Variants in CDH12 observed in about 807,000 individuals in gnomAD.
CDH12 encodes the protein cadherin-12.
In CDH12, 41 loss-of-function variants were observed where a neutral mutation model predicts 74.1. The observed-to-expected ratio is 0.55, with a 90% CI of 0.43 to 0.72. CDH12 has a LOEUF of 0.72. Ranked by LOEUF, CDH12 falls within the 30% of genes least tolerant of loss-of-function variation. The pLI is 0.00. For missense variants in CDH12, 945 were observed against 977.2 expected, an observed-to-expected ratio of 0.97 and a Z score of 0.44; for synonymous variants, 399 against 355.0, an observed-to-expected ratio of 1.12 and a Z score of -1.39.
intron 12 of CDH12, among the ~76,000 whole-genome samples, chr5:21,763,304 G>A (rs1744830004): frequency 6.6e-6 from 1 of 152,110 alleles, no homozygotes; most frequent in Admixed American, 6.5e-5. Flanking sequence ...TTGAGCACTT[G>A]AAATGTGATT....
intron 1 of CDH12, among the ~76,000 whole-genome samples, chr5:22,806,848 G>C (rs1051753516): frequency 6.6e-6 from 1 of 152,046 alleles, no homozygotes; most frequent in African/African-American, 2.4e-5. Flanking sequence ...ATTTGTTTAA[G>C]TTATTTGTAG....
At chr5:21,905,777 TC>T (rs1227501404) in intron 6 of CDH12, among the ~76,000 whole-genome samples, 3 of 152,190 alleles carry the variant, frequency 2.0e-5, no homozygotes, top group Admixed American at 2.0e-4. Flanking sequence ...TTGCTCTTTT[TC>T]CCTCTCCCCT....
chr5:21,852,220 T>C (rs1320006091), intron 7 of CDH12, among the ~76,000 whole-genome samples: 1 of 151,422 alleles, frequency 6.6e-6, no homozygotes, highest in Admixed American at 6.6e-5. Context: ...TCCACTCTTT[T>C]CCTGCCTAGT....
At chr5:21,836,462 A>AAC (rs60658949) in intron 8 of CDH12, among the ~76,000 whole-genome samples, 12,373 of 143,412 alleles carry the variant, frequency 0.086, 689 homozygotes, top group African/African-American at 0.16. Context: ...TAGAAAGGAA[A>AAC]ACACACACAC....
intron 4 of CDH12, among the ~76,000 whole-genome samples, chr5:22,170,279 T>C (rs1269426157): frequency 6.6e-6 from 1 of 151,892 alleles, no homozygotes; most frequent in Non-Finnish European, 1.5e-5. Context: ...CTTTAAGTTG[T>C]TCTGATTTTC....
intron 1 of CDH12, among the ~76,000 whole-genome samples, chr5:22,569,972 C>A (rs1181362256): frequency 6.6e-6 from 1 of 152,152 alleles, no homozygotes; most frequent in African/African-American, 2.4e-5. Context: ...AATTACTATG[C>A]TGAGATCCAT....
intron 4 of CDH12, among the ~76,000 whole-genome samples, chr5:22,183,007 G>C (rs1370665100): frequency 1.3e-5 from 2 of 151,076 alleles, no homozygotes; most frequent in Admixed American, 6.6e-5. Flanking sequence ...TGCTCAAAGA[G>C]AGAAGTGGAC....
chr5:22,770,767 GGTGA>G (rs1446768513), intron 1 of CDH12, among the ~76,000 whole-genome samples: 1 of 151,854 alleles, frequency 6.6e-6, no homozygotes, highest in African/African-American at 2.4e-5. Flanking sequence ...TTAGATAATT[GGTGA>G]GTAATATTTG....
Position 22,314,941 on chromosome 5 carries a change from C to CTTTTTTTTTTTTTT in CDH12, c.-333+90302_-333+90315dup, listed in dbSNP as rs759734847. 1.2e-4 allele frequency among the ~76,000 whole-genome samples: 8 copies of CTTTTTTTTTTTTTT among 67,766 alleles called. 2 individuals carry two copies. Among genetic ancestry groups the CTTTTTTTTTTTTTT allele is most frequent in the East Asian group, 9.0e-4 (2 of 2,226 alleles). 44.5% of individuals were successfully genotyped at this position (67,766 alleles called of 152,430 possible). A position where few individuals can be genotyped will look rare whatever the true frequency, so the allele number is the denominator to read the frequency against. ...GAAAAGCAGAGGTCCCTGGGTTGGT[C>CTTTTTTTTTTTTTT]TTTTTTTTTTTTTTTTTTTTTTTTT... On this transcript the variant is annotated intron_variant, in intron 3 of 14. Transcript: ENST00000382254.
rs1202375253 is a variant in CDH12, at chr5:21,833,268, ATATAT to A, written c.814+8888_814+8892del. 7.6e-5 allele frequency among the ~76,000 whole-genome samples: 4 copies of A among 52,720 alleles called. 1 individual carries two copies. Among genetic ancestry groups the A allele is most frequent in the Non-Finnish European group, 1.1e-4 (4 of 36,906 alleles). The allele number at this position is 52,720 out of a possible 152,430, so 34.6% of individuals were successfully genotyped here. ...TATTATATATTATATAACATATAATATATATTATATGTTATATAACATATAATATA... is the reference window on the plus strand; with the variant it reads ...TATTATATATTATATAACATATAATATATATGTTATATAACATATAATATA... On this transcript the variant is annotated intron_variant, in intron 8 of 14. Transcript: ENST00000382254.
chr5:22,321,154 C>T (rs994812671), intron 3 of CDH12, among the ~76,000 whole-genome samples: 21 of 151,982 alleles, frequency 1.4e-4, no homozygotes, highest in Non-Finnish European at 2.4e-4. Flanking sequence ...AAATTTAATA[C>T]CAAAGGCTAT....
chr5:22,717,610 G>T (rs540942370), intron 1 of CDH12, among the ~76,000 whole-genome samples: 1 of 152,270 alleles, frequency 6.6e-6, no homozygotes, highest in African/African-American at 2.4e-5. Context: ...GAAGTGGTGG[G>T]TCGATATCCA....
intron 1 of CDH12, among the ~76,000 whole-genome samples, chr5:22,642,713 C>T (rs907114821): frequency 6.6e-6 from 1 of 152,046 alleles, no homozygotes; most frequent in African/African-American, 2.4e-5. Flanking sequence ...CTAAGATTTA[C>T]ATAATCAGAG....
At chr5:22,428,287 T>C (rs1744028024) in intron 2 of CDH12, among the ~76,000 whole-genome samples, 2 of 152,120 alleles carry the variant, frequency 1.3e-5, no homozygotes. Context: ...ATATCCATTT[T>C]TATCTATAGC....
At position 21,798,543 on chromosome 5, in the gene CDH12, C is replaced by T. The variant is rs572482682; in HGVS notation, c.1256+3624G>A. The stretch of plus-strand genomic sequence containing the variant: ...TTATGGACTGGATGTTTATGTTTCC[C>T]CAAAATTCATATGTTGAAATCCTAA... On this transcript the variant is annotated intron_variant, in intron 10 of 14. Transcript: ENST00000382254. Among the ~76,000 whole-genome samples the T allele has an allele frequency of 4.6e-5, 7 of 151,952 alleles. No individual in the cohort carries two copies. The South Asian group carries it at 1.2e-3, about 27-fold the overall frequency.
chr5:21,940,052 C>T (rs1228176229), intron 6 of CDH12, among the ~76,000 whole-genome samples: 2 of 151,884 alleles, frequency 1.3e-5, no homozygotes, highest in Non-Finnish European at 2.9e-5. Flanking sequence ...GAAACTCCAT[C>T]TCTACTTAAA....
At position 22,755,600 on chromosome 5, in the gene CDH12, A is replaced by G. The variant is rs144543851; in HGVS notation, c.-523+97458T>C. 4.3e-3 allele frequency among the ~76,000 whole-genome samples: 657 copies of G among 152,286 alleles called. 5 individuals are homozygous for G. Among genetic ancestry groups the G allele is most frequent in the Non-Finnish European group, 6.8e-3 (463 of 67,976 alleles). On this transcript the variant is annotated intron_variant, in intron 1 of 14. Transcript: ENST00000382254. Reference sequence around the variant, plus strand: ...AAGCCAATATGTAAGAATTCATACAACACAATTGCTTTTGTTAGAAAAAAA... The same window carrying G: ...AAGCCAATATGTAAGAATTCATACAGCACAATTGCTTTTGTTAGAAAAAAA...
At chr5:22,785,593 C>T (rs1747583848) in intron 1 of CDH12, among the ~76,000 whole-genome samples, 1 of 152,116 alleles carries the variant, frequency 6.6e-6, no homozygotes, top group Non-Finnish European at 1.5e-5. Flanking sequence ...AATCACAGCT[C>T]ATTGCAGCCT....
intron 1 of CDH12, among the ~76,000 whole-genome samples, chr5:22,832,477 G>A (rs1736660413): frequency 6.6e-6 from 1 of 152,068 alleles, no homozygotes; most frequent in African/African-American, 2.4e-5. Context: ...AAAATTATTA[G>A]AGTGTTGATT....
Sources: allele counts gnomAD v4.1 joint callset (sites outside exome capture counted in the v4.1 genomes callset), GRCh38; gene constraint gnomAD v4.1.1; transcripts MANE v1.5; gene names NCBI Gene and HGNC (gene_info 2026-07-23, HGNC 2026-07-21).